The following TRPM3 variants were observed in gnomAD, a reference collection of about 807,000 sequenced individuals.
TRPM3 encodes the protein transient receptor potential cation channel subfamily M member 3.
TRPM3 carries 77 observed loss-of-function variants against 181.2 expected under a neutral mutation model. That is an observed-to-expected ratio of 0.42 (90% CI 0.35 to 0.51). TRPM3 has a LOEUF of 0.51. Ranked by LOEUF, TRPM3 falls within the 20% of genes least tolerant of loss-of-function variation. The pLI, the probability that TRPM3 is intolerant of heterozygous loss-of-function variation, is 0.01. For synonymous variants in TRPM3, 745 were observed against 796.4 expected (o/e 0.94, Z 1.09); for missense variants, 1,759 against 2,196.7 (o/e 0.80, Z 3.98).
chr9:70,955,488 A>G (rs1224399475), intron 1 of TRPM3, among the ~76,000 whole-genome samples: 1 of 152,180 alleles, frequency 6.6e-6, no homozygotes, highest in Non-Finnish European at 1.5e-5. Flanking sequence ...ATGTTTATAT[A>G]CATTATCTCA....
At chr9:71,310,999 C>T (rs2087874819) in intron 1 of TRPM3, among the ~76,000 whole-genome samples, 2 of 152,082 alleles carry the variant, frequency 1.3e-5, no homozygotes, top group Admixed American at 6.6e-5. Context: ...TTAAATAGAA[C>T]TCCTACTAAA....
intron 1 of TRPM3, among the ~76,000 whole-genome samples, chr9:71,265,408 A>G (rs1325300067): frequency 6.6e-6 from 1 of 152,230 alleles, no homozygotes; most frequent in Non-Finnish European, 1.5e-5. Context: ...GGAACAATAC[A>G]GTAATAAGAC....
At chr9:71,024,591 G>C (rs2097876328) in intron 1 of TRPM3, among the ~76,000 whole-genome samples, 2 of 152,184 alleles carry the variant, frequency 1.3e-5, no homozygotes, top group Admixed American at 6.5e-5. Context: ...TTTACTCTTA[G>C]CAGTATTACT....
intron 1 of TRPM3, among the ~76,000 whole-genome samples, chr9:71,084,458 T>C (rs1263709426): frequency 1.3e-5 from 2 of 151,986 alleles, no homozygotes; most frequent in African/African-American, 4.8e-5. Context: ...CAAAAATCAG[T>C]AGCATTTCTA....
At chr9:70,944,611 T>A (rs966976379) in intron 1 of TRPM3, among the ~76,000 whole-genome samples, 4 of 152,168 alleles carry the variant, frequency 2.6e-5, no homozygotes, top group Non-Finnish European at 5.9e-5. Context: ...TGGACCATAA[T>A]ACTATTTGAA....
chr9:71,290,295 C>T (rs1002655082), intron 1 of TRPM3, among the ~76,000 whole-genome samples: 2 of 151,722 alleles, frequency 1.3e-5, no homozygotes, highest in Non-Finnish European at 2.9e-5. Flanking sequence ...ACCAATATAT[C>T]GTAATGTAAT....
chr9:70,971,908 A>G (rs1470843451), intron 1 of TRPM3, among the ~76,000 whole-genome samples: 2 of 152,200 alleles, frequency 1.3e-5, no homozygotes, highest in South Asian at 2.1e-4. Flanking sequence ...CACACCAACC[A>G]GGATGACTGT....
At chr9:70,890,712 T>C (rs1437210746) in intron 1 of TRPM3, among the ~76,000 whole-genome samples, 2 of 152,244 alleles carry the variant, frequency 1.3e-5, no homozygotes, top group Middle Eastern at 3.4e-3. Flanking sequence ...GTTCCTAAAA[T>C]AGTTCAAAAT....
At chr9:71,357,081 G>A (rs1290539316) in intron 1 of TRPM3, among the ~76,000 whole-genome samples, 1 of 152,098 alleles carries the variant, frequency 6.6e-6, no homozygotes, top group African/African-American at 2.4e-5. Context: ...TAAACAGAGA[G>A]CCCACCTGCC....
chr9:70,577,863 G>T (rs1158816401), intron 22 of TRPM3, among the ~76,000 whole-genome samples: 2 of 152,188 alleles, frequency 1.3e-5, no homozygotes, highest in African/African-American at 4.8e-5. Context: ...TTCCTTCGGT[G>T]CTTGAACATT....
intron 2 of TRPM3, 99 bp from the exon 3 acceptor site, chr9:70,863,211 C>T: frequency 2.1e-6 from 2 of 967,958 alleles, no homozygotes; most frequent in Non-Finnish European, 3.1e-6. Flanking sequence ...TGTGCCAACA[C>T]CTGTCAGTCA....
intron 1 of TRPM3, among the ~76,000 whole-genome samples, chr9:71,203,750 T>C (rs368670896): frequency 2.5e-4 from 38 of 152,284 alleles, no homozygotes; most frequent in African/African-American, 7.5e-4. Context: ...TGGAACAGTA[T>C]GGGGAGCTTT....
At chr9:71,021,361 C>T (rs961999916) in intron 1 of TRPM3, among the ~76,000 whole-genome samples, 9 of 152,102 alleles carry the variant, frequency 5.9e-5, no homozygotes, top group East Asian at 1.9e-4. Context: ...AAAAAAATTC[C>T]GAAAATATTG....
chr9:71,168,516 T>C (rs1017510616), intron 1 of TRPM3, among the ~76,000 whole-genome samples: 3 of 141,918 alleles, frequency 2.1e-5, no homozygotes, highest in African/African-American at 7.5e-5. Context: ...TTTTCTTTTT[T>C]TTTTTTTTTT....
chr9:70,977,413 C>T (rs562760111), intron 1 of TRPM3, among the ~76,000 whole-genome samples: 6 of 152,328 alleles, frequency 3.9e-5, no homozygotes, highest in African/African-American at 7.2e-5. Flanking sequence ...GGATTACAGG[C>T]GTGAGCCACC....
chr9:71,411,600 G>A (rs1157282462), intron 1 of TRPM3, among the ~76,000 whole-genome samples: 2 of 152,156 alleles, frequency 1.3e-5, no homozygotes, highest in Non-Finnish European at 2.9e-5. Flanking sequence ...CAAAATAAAA[G>A]ATGACACAAA....
intron 1 of TRPM3, among the ~76,000 whole-genome samples, chr9:71,021,357 A>T (rs1386535560): frequency 6.6e-6 from 1 of 152,200 alleles, no homozygotes; most frequent in Non-Finnish European, 1.5e-5. Context: ...CACTAAAAAA[A>T]TTCCGAAAAT....
chr9:70,938,989 AT>A (rs1401181389), intron 1 of TRPM3, among the ~76,000 whole-genome samples: 1 of 151,740 alleles, frequency 6.6e-6, no homozygotes, highest in Non-Finnish European at 1.5e-5. Flanking sequence ...AAATAAAAAA[AT>A]AAAAAAAAAA....
chr9:70,795,623 C>T (rs980432565), intron 6 of TRPM3, among the ~76,000 whole-genome samples: 9 of 152,222 alleles, frequency 5.9e-5, no homozygotes, highest in African/African-American at 9.6e-5. Flanking sequence ...ACGCCCCGAA[C>T]GTCTTCCCCC....
Sources: allele counts gnomAD v4.1 joint callset (sites outside exome capture counted in the v4.1 genomes callset), GRCh38; gene constraint gnomAD v4.1.1; transcripts MANE v1.5; gene names NCBI Gene and HGNC (gene_info 2026-07-23, HGNC 2026-07-21).